DHODH: variants seen among roughly 807,000 people sequenced by gnomAD.
The protein encoded by DHODH is dihydroorotate dehydrogenase (quinone), also known as dihydroorotate dehydrogenase (quinone), mitochondrial.
In DHODH, 30 loss-of-function variants were observed where a neutral mutation model predicts 39.7. The observed-to-expected ratio is 0.76, with a 90% CI of 0.57 to 1.02. The LOEUF is 1.02. Among genes scored for constraint, DHODH ranks in the 50% least tolerant of loss-of-function variants. The probability of loss-of-function intolerance (pLI) is 0.00; values close to 1 mark genes in which losing one functional copy is unlikely to be tolerated. For synonymous variants in DHODH, 222 were observed against 213.8 expected, an observed-to-expected ratio of 1.04 and a Z score of -0.34; for missense variants, 531 against 520.8, an observed-to-expected ratio of 1.02 and a Z score of -0.19.
At chr16:72,023,354 T>C (rs1406091052) in intron 7 of DHODH, 36 bp downstream of exon 7, 1 of 1,614,088 alleles carries the variant, frequency 6.2e-7, no homozygotes, top group Admixed American at 1.7e-5. Context: ...CAGATCTGCG[T>C]GTGGCTTGGG....
In DHODH at chr16:72,008,756, G is replaced by T. The variant is rs542376596; in HGVS notation, c.-9G>T. On this transcript the variant is annotated 5_prime_UTR_variant, in exon 1 of 9. Coordinates refer to ENST00000219240, the MANE Select transcript of DHODH (RefSeq NM_001361.5). ...GGGAGACAGGGGCGGGCTTAATGAC[G>T]GAAGGAGCATGGCGTGGAGACACCT... The T allele has an allele frequency of 1.3e-6, 2 of 1,551,242 alleles. No individual in the cohort carries two copies. Among genetic ancestry groups the T allele is most frequent in the Non-Finnish European group, 1.7e-6 (2 of 1,146,528 alleles).
At position 72,012,101 on chromosome 16, in the gene DHODH, G is replaced by C. The variant is rs200549060; in HGVS notation, c.73G>C (p.Ala25Pro). The part of the protein sequence containing the change: ...IILGGGGLLF[A>P]SYLMATGDER... ...CCTGGGGGGAGGAGGACTTCTCTTC[G>C]CCTCCTACCTGATGGCCACGGGAGA... The change falls in exon 2 of 9, where the codon GCC (alanine) becomes CCC (proline). Residue 25 changes from alanine (A) to proline (P), a missense_variant. By Grantham distance (27) the Ala-to-Pro change is conservative. Coordinates refer to ENST00000219240, the MANE Select transcript of DHODH (RefSeq NM_001361.5). 61 of 1,613,994 alleles carry C rather than the reference G, an allele frequency of 3.8e-5. No homozygotes were observed. Among genetic ancestry groups the C allele is most frequent in the Non-Finnish European group, 4.9e-5 (58 of 1,180,016 alleles).
Position 72,021,245 on chromosome 16 carries a change from C to T in DHODH, c.639C>T (p.Ser213=), listed in dbSNP as rs1425337323. ...PLADYLVVNV[S]SPNTAGLRSL... is the part of the protein sequence containing the mutation. ...CCGACTACCTGGTGGTGAATGTGTC[C>T]AGCCCCAACACTGCCGGGCTGCGGA... The change falls in exon 5 of 9, where the codon TCC becomes TCT. Residue 213 remains serine, a synonymous_variant. Transcript: ENST00000219240. The T allele has an allele frequency of 6.2e-7, 1 of 1,612,822 alleles. No individual in the cohort carries two copies. The highest frequency in any genetic ancestry group is 1.3e-5 in the African/African-American group (1 of 74,904).
intron 1 of DHODH, 49 bp downstream of exon 1, chr16:72,008,834 G>A: frequency 3.2e-6 from 5 of 1,552,142 alleles, no homozygotes; most frequent in Non-Finnish European, 4.4e-6. Flanking sequence ...GGACCGGGGA[G>A]GGCGAGAACG....
chr16:72,013,335 AGTGGG>A (rs1300601763), intron 2 of DHODH, among the ~76,000 whole-genome samples: 2 of 152,132 alleles, frequency 1.3e-5, no homozygotes, highest in Admixed American at 6.5e-5. Context: ...GTGAATAATG[AGTGGG>A]GTGCAGAGAT....
chr16:72,020,329 G>GTATGTATATATATA (rs1555530876), intron 4 of DHODH: 2 of 102,202 alleles, frequency 2.0e-5, no homozygotes, highest in Admixed American at 1.2e-4. Context: ...ATGTATATGT[G>GTATGTATATATATA]TATATATATA....
At chr16:72,012,569 C>G (rs1054796881) in intron 2 of DHODH, among the ~76,000 whole-genome samples, 5 of 152,198 alleles carry the variant, frequency 3.3e-5, no homozygotes, top group Non-Finnish European at 5.9e-5. Context: ...TAAAGGAACT[C>G]AAGTCACACA....
intron 2 of DHODH, among the ~76,000 whole-genome samples, chr16:72,012,610 C>A (rs1042921583): frequency 3.9e-5 from 6 of 152,184 alleles, no homozygotes; most frequent in Non-Finnish European, 2.9e-5. Context: ...GGATTCAAAC[C>A]CACAGAGTCT....
Position 72,025,829 on chromosome 16 carries a change from G to C in DHODH, c.*1630G>C, listed in dbSNP as rs772881937. The C allele has an allele frequency of 3.9e-5, 6 of 152,302 alleles. No homozygotes were observed. The highest frequency in any genetic ancestry group is 5.9e-5 in the Non-Finnish European group (4 of 68,110). 9.4% of individuals were successfully genotyped at this position (152,302 alleles called of 1,614,324 possible). On this transcript the variant is annotated 3_prime_UTR_variant, in exon 9 of 9. Transcript: ENST00000219240. ...AGCTCATGTCCACTGAACACTGACTGTGGGCTGGATGCTGTGCCAAGGGCT... is the reference window on the plus strand; with the variant it reads ...AGCTCATGTCCACTGAACACTGACTCTGGGCTGGATGCTGTGCCAAGGGCT...
chr16:72,014,887 T>TG (rs1343688000), intron 3 of DHODH, among the ~76,000 whole-genome samples: 2 of 152,240 alleles, frequency 1.3e-5, no homozygotes, highest in Non-Finnish European at 2.9e-5. Context: ...GTTGGGTAGA[T>TG]GGAGGCTCAT....
At chr16:72,017,488 G>A (rs1310260247) in intron 4 of DHODH, among the ~76,000 whole-genome samples, 1 of 152,150 alleles carries the variant, frequency 6.6e-6, no homozygotes, top group East Asian at 1.9e-4. Context: ...TGTAAATAAT[G>A]TTCATTAATT....
intron 6 of DHODH, 86 bp downstream of exon 6, chr16:72,022,561 C>A: frequency 9.3e-7 from 1 of 1,073,244 alleles, no homozygotes; most frequent in Non-Finnish European, 1.4e-6. Flanking sequence ...GAATGGCGTT[C>A]TTTGTGATTT....
intron 1 of DHODH, among the ~76,000 whole-genome samples, chr16:72,010,281 C>T (rs1486744823): frequency 1.3e-5 from 2 of 152,124 alleles, no homozygotes; most frequent in South Asian, 2.1e-4. Flanking sequence ...TTTTCCTCTC[C>T]GTACTGCCTT....
At position 72,008,756 on chromosome 16, in the gene DHODH, G is replaced by A. The variant is rs542376596; in HGVS notation, c.-9G>A. On this transcript the variant is annotated 5_prime_UTR_variant, in exon 1 of 9. Coordinates refer to ENST00000219240, the MANE Select transcript of DHODH (RefSeq NM_001361.5). Reference sequence around the variant, plus strand: ...GGGAGACAGGGGCGGGCTTAATGACGGAAGGAGCATGGCGTGGAGACACCT... The same window carrying A: ...GGGAGACAGGGGCGGGCTTAATGACAGAAGGAGCATGGCGTGGAGACACCT... The A allele has an allele frequency of 7.1e-6, 11 of 1,551,242 alleles. No individual in the cohort carries two copies. Among genetic ancestry groups the A allele is most frequent in the Non-Finnish European group, 9.6e-6 (11 of 1,146,528 alleles).
chr16:72,023,365 C>T lies in DHODH; in HGVS notation c.973+47C>T, dbSNP rs2041243561. ...TCTTCAGATCTGCGTGTGGCTTGGG[C>T]TCCTGGGTCGTGATGGGAATCATCA... On this transcript the variant is annotated intron_variant, in intron 7 of 8. Coordinates refer to ENST00000219240, the MANE Select transcript of DHODH (RefSeq NM_001361.5). The T allele has an allele frequency of 3.1e-6, 5 of 1,613,966 alleles. No homozygotes were observed. In the East Asian group the frequency reaches 1.1e-4, roughly 36 times the overall value.
At chr16:72,020,965 C>T (rs2041206408) in intron 4 of DHODH, among the ~76,000 whole-genome samples, 159 bp from the exon 5 acceptor site, 2 of 152,212 alleles carry the variant, frequency 1.3e-5, no homozygotes, top group Non-Finnish European at 2.9e-5. Context: ...AGCAGGCGGG[C>T]CCAGGCCGCA....
Position 72,026,395 on chromosome 16 carries a change from T to A in DHODH, c.*2196T>A, listed in dbSNP as rs2041276743. The A allele has an allele frequency of 6.5e-6, 1 of 152,856 alleles. No homozygotes were observed. Among genetic ancestry groups the A allele is most frequent in the Admixed American group, 6.5e-5 (1 of 15,280 alleles). The allele number at this position is 152,856 out of a possible 1,614,324, so 9.5% of individuals were successfully genotyped here. On this transcript the variant is annotated 3_prime_UTR_variant, in exon 9 of 9. Transcript: ENST00000219240. ...CTCCACGGAAGACTGCCTTTTTTTTTTTTGAGATGGAGTCTCGCTGTGTCG... is the reference window on the plus strand; with the variant it reads ...CTCCACGGAAGACTGCCTTTTTTTTATTTGAGATGGAGTCTCGCTGTGTCG...
chr16:72,012,406 T>C, intron 2 of DHODH, 144 bp downstream of exon 2: 3 of 721,976 alleles, frequency 4.2e-6, no homozygotes. Flanking sequence ...CATTATTATT[T>C]TATGTCATGT....
intron 7 of DHODH, 74 bp from the exon 8 acceptor site, chr16:72,023,400 C>G (rs1362927670): frequency 1.2e-6 from 2 of 1,613,640 alleles, no homozygotes; most frequent in Non-Finnish European, 1.7e-6. Flanking sequence ...ATTCCCTAAT[C>G]TGTCTTGATT....
Sources: gnomAD v4.1 joint callset for allele counts (sites outside exome capture counted in the v4.1 genomes callset) on GRCh38, gnomAD v4.1.1 for gene constraint, MANE v1.5 for transcripts, NCBI Gene and HGNC (gene_info 2026-07-23, HGNC 2026-07-21) for gene names.